Variants in TRPC3 observed in about 807,000 individuals in gnomAD.
TRPC3 encodes the protein transient receptor potential cation channel subfamily C member 3.
A neutral mutation model predicts 90.9 loss-of-function variants in TRPC3; 54 were observed. The observed-to-expected ratio is 0.59, with a 90% CI of 0.48 to 0.75. TRPC3 has a LOEUF of 0.75. Among genes scored for constraint, TRPC3 ranks in the 30% least tolerant of loss-of-function variants. TRPC3 has a pLI of 0.00. For synonymous variants in TRPC3, 424 were observed against 450.9 expected, an observed-to-expected ratio of 0.94 and a Z score of 0.75; for missense variants, 918 against 1,194.5, an observed-to-expected ratio of 0.77 and a Z score of 3.41.
chr4:121,898,695 AATGATAG>A (rs1180190732), intron 10 of TRPC3, among the ~76,000 whole-genome samples: 1 of 152,188 alleles, frequency 6.6e-6, no homozygotes, highest in Non-Finnish European at 1.5e-5. Context: ...AACACAAAGA[AATGATAG>A]ATGTCTGAGA....
intron 3 of TRPC3, among the ~76,000 whole-genome samples, chr4:121,920,633 G>C (rs1051808626): frequency 1.3e-5 from 2 of 152,142 alleles, no homozygotes; most frequent in African/African-American, 4.8e-5. Context: ...ATTGAGAATT[G>C]TAAATTTTTA....
intron 1 of TRPC3, among the ~76,000 whole-genome samples, chr4:121,937,070 C>T (rs1000997204): frequency 1.3e-5 from 2 of 152,162 alleles, no homozygotes; most frequent in African/African-American, 4.8e-5. Flanking sequence ...AGTAACACTC[C>T]TCACTTTTCC....
At chr4:121,945,540 C>A (rs1342072825) in intron 1 of TRPC3, among the ~76,000 whole-genome samples, 1 of 152,036 alleles carries the variant, frequency 6.6e-6, no homozygotes, top group South Asian at 2.1e-4. Context: ...GCTGATCCAC[C>A]CAGCTCAATG....
rs2149161799 is a variant in TRPC3, at chr4:121,951,767, C to T, written c.-87G>A. ...GTGCAGTCTTCCCGCGGCGCCCCTT[C>T]ACCACCTCCCGCGGCTTCCGGGGCC... is the stretch of plus-strand genomic sequence containing the variant. On this transcript the variant is annotated 5_prime_UTR_variant, in exon 1 of 12. Transcript: ENST00000379645. The surrounding 1 kb of genome is among the most constrained non-coding windows in gnomAD (Gnocchi z 4.4). The T allele has an allele frequency of 8.8e-7, 1 of 1,134,924 alleles. No individual in the cohort carries two copies. Among genetic ancestry groups the T allele is most frequent in the South Asian group, 3.3e-5 (1 of 30,728 alleles). 70.3% of individuals were successfully genotyped at this position (1,134,924 alleles called of 1,614,324 possible).
chr4:121,903,227 CA>C (rs1042771640), intron 8 of TRPC3, among the ~76,000 whole-genome samples, 166 bp from the exon 9 acceptor site: 1 of 152,062 alleles, frequency 6.6e-6, no homozygotes, highest in African/African-American at 2.4e-5. Context: ...TCTCATTTTT[CA>C]AATATAAGAT....
intron 2 of TRPC3, among the ~76,000 whole-genome samples, chr4:121,925,537 G>A (rs571513528): frequency 6.6e-6 from 1 of 152,334 alleles, no homozygotes; most frequent in South Asian, 2.1e-4. Context: ...AGGAGGTAGG[G>A]TGAAGTAGAG....
chr4:121,882,477 G>T (rs2149103755), intron 10 of TRPC3, 48 bp from the exon 11 acceptor site: 2 of 1,548,760 alleles, frequency 1.3e-6, no homozygotes, highest in Non-Finnish European at 1.8e-6. Context: ...ATACATAAGT[G>T]CCCCAATCCT....
chr4:121,931,495 A>G (rs540810453), intron 2 of TRPC3, among the ~76,000 whole-genome samples: 1 of 152,276 alleles, frequency 6.6e-6, no homozygotes, highest in Admixed American at 6.5e-5. Flanking sequence ...TTAATATATA[A>G]TTTTTATACA....
intron 8 of TRPC3, 127 bp downstream of exon 8, chr4:121,904,195 C>G (rs1472274797): frequency 1.3e-6 from 1 of 756,200 alleles, no homozygotes; most frequent in Non-Finnish European, 2.0e-6. Flanking sequence ...GGGAAAGGCT[C>G]AGGCTCTGTG....
chr4:121,893,728 T>A (rs13133876), intron 10 of TRPC3, among the ~76,000 whole-genome samples: 43,456 of 151,956 alleles, frequency 0.29, 6,932 homozygotes, highest in East Asian at 0.43. Context: ...GTAAAAAACA[T>A]TCTTAAGTCA....
chr4:121,899,453 T>A lies in TRPC3; in HGVS notation c.2547+159A>T, dbSNP rs1728629300. On this transcript the variant is annotated intron_variant, in intron 10 of 11. Transcript: ENST00000379645. Reference sequence around the variant, plus strand: ...TTATTTTTAATTTTTTTTTAAAAAATTTCACAGGTGTTGAATCATTTTCTT... The same window carrying A: ...TTATTTTTAATTTTTTTTTAAAAAAATTCACAGGTGTTGAATCATTTTCTT... Among the ~76,000 whole-genome samples the A allele has an allele frequency of 2.6e-5, 4 of 152,166 alleles. No homozygotes were observed. In the South Asian group the frequency reaches 8.3e-4, roughly 31 times the overall value.
chr4:121,898,906 C>A (rs1257240440), intron 10 of TRPC3, among the ~76,000 whole-genome samples: 2 of 152,036 alleles, frequency 1.3e-5, no homozygotes, highest in African/African-American at 2.4e-5. Context: ...GTGGGCTGAG[C>A]CATTTTGTGG....
At chr4:121,941,461 G>A (rs1327958363) in intron 1 of TRPC3, among the ~76,000 whole-genome samples, 1 of 152,202 alleles carries the variant, frequency 6.6e-6, no homozygotes, top group Non-Finnish European at 1.5e-5. Context: ...TGGAGCCACA[G>A]AAGATAAGTA....
Position 121,874,663 on chromosome 4 carries a change from T to TAA in TRPC3, c.*5072_*5073insTT, listed in dbSNP as rs558145799. On this transcript the variant is annotated 3_prime_UTR_variant, in exon 12 of 12. Transcript: ENST00000379645. Reference sequence around the variant, plus strand: ...TCTGTCTGTGTCTCATCTTGTCTTTTTATAAGCACACCAGTCATATTATCT... The same window carrying TAA: ...TCTGTCTGTGTCTCATCTTGTCTTTTAATATAAGCACACCAGTCATATTATCT... 3.3e-4 allele frequency among the ~76,000 whole-genome samples: 50 copies of TAA among 152,342 alleles called. No homozygotes were observed. The highest frequency in any genetic ancestry group is 1.0e-3 in the Admixed American group (16 of 15,308).
chr4:121,949,445 G>C (rs1730605818), intron 1 of TRPC3, among the ~76,000 whole-genome samples: 1 of 152,088 alleles, frequency 6.6e-6, no homozygotes, highest in Non-Finnish European at 1.5e-5. Flanking sequence ...ATGCTGTTCC[G>C]TCTCCTGAAA....
intron 1 of TRPC3, among the ~76,000 whole-genome samples, chr4:121,937,371 G>A: frequency 6.6e-6 from 1 of 152,218 alleles, no homozygotes; most frequent in East Asian, 1.9e-4. Flanking sequence ...CAAAAATGAA[G>A]TTGAAATAAT....
At chr4:121,905,067 T>C (rs2149120433) in intron 7 of TRPC3, among the ~76,000 whole-genome samples, 1 of 152,150 alleles carries the variant, frequency 6.6e-6, no homozygotes, top group Middle Eastern at 3.4e-3. Flanking sequence ...TGTAGGAAAA[T>C]GAGACAGATC....
At chr4:121,938,806 G>A (rs997843382) in intron 1 of TRPC3, among the ~76,000 whole-genome samples, 16 of 151,684 alleles carry the variant, frequency 1.1e-4, no homozygotes, top group African/African-American at 3.4e-4. Context: ...CCAGCATCTT[G>A]CTGTTCATAA....
intron 8 of TRPC3, 55 bp downstream of exon 8, chr4:121,904,267 G>A (rs1728807343): frequency 3.3e-6 from 5 of 1,496,948 alleles, no homozygotes; most frequent in East Asian, 4.6e-5. Context: ...AAGCAGATGT[G>A]TACTATCAGA....
Sources: allele counts gnomAD v4.1 joint callset (sites outside exome capture counted in the v4.1 genomes callset), GRCh38; gene constraint gnomAD v4.1.1; non-coding constraint Gnocchi (gnomAD v3.1); transcripts MANE v1.5; gene names NCBI Gene and HGNC (gene_info 2026-07-23, HGNC 2026-07-21).